The following TMPRSS15 variants were observed in gnomAD, a reference collection of about 807,000 sequenced individuals.
TMPRSS15 encodes enteropeptidase.
TMPRSS15 carries 128 observed loss-of-function variants against 125.3 expected under a neutral mutation model. That is an observed-to-expected ratio of 1.02 (90% CI 0.89 to 1.18). The LOEUF is 1.18. Among genes scored for constraint, TMPRSS15 ranks in the 50% most tolerant of loss-of-function variants. The probability of loss-of-function intolerance (pLI) is 0.00; values close to 1 mark genes in which losing one functional copy is unlikely to be tolerated. For synonymous variants in TMPRSS15, 446 were observed against 423.2 expected, an observed-to-expected ratio of 1.05 and a Z score of -0.66; for missense variants, 1,283 against 1,212.7, an observed-to-expected ratio of 1.06 and a Z score of -0.86.
chr21:18,273,779 C>T (rs575853020), intron 24 of TMPRSS15, among the ~76,000 whole-genome samples: 76 of 152,088 alleles, frequency 5.0e-4, no homozygotes, highest in African/African-American at 1.6e-3. Flanking sequence ...GTATAAGACC[C>T]GAAGATAAAT....
chr21:18,469,803 G>A (rs75251564), intron 1 of TMPRSS15, among the ~76,000 whole-genome samples: 8,790 of 152,008 alleles, frequency 0.058, 563 homozygotes, highest in African/African-American at 0.15. Flanking sequence ...TAACTGTCTC[G>A]TTATTGTAGC....
At chr21:18,315,678 T>C (rs1411924038) in intron 16 of TMPRSS15, among the ~76,000 whole-genome samples, 1 of 57,740 alleles carries the variant, frequency 1.7e-5, no homozygotes, top group African/African-American at 6.7e-5. Flanking sequence ...AAAATATATA[T>C]ATATAAAATA....
At chr21:18,464,529 G>T (rs1230016044) in intron 1 of TMPRSS15, among the ~76,000 whole-genome samples, 2 of 151,902 alleles carry the variant, frequency 1.3e-5, no homozygotes, top group African/African-American at 4.8e-5. Context: ...GATTAATAAA[G>T]AAGAGAGAGA....
intron 17 of TMPRSS15, among the ~76,000 whole-genome samples, chr21:18,313,516 T>G (rs2075124776): frequency 6.6e-6 from 1 of 151,444 alleles, no homozygotes; most frequent in Non-Finnish European, 1.5e-5. Flanking sequence ...TTGGAAAAAT[T>G]AACAAAAAAA....
At chr21:18,445,204 A>C (rs1601465216) in intron 1 of TMPRSS15, among the ~76,000 whole-genome samples, 1 of 84,006 alleles carries the variant, frequency 1.2e-5, no homozygotes. Flanking sequence ...GGTATATACC[A>C]CATTTTTTTT....
chr21:18,298,862 C>T (rs2074935102), intron 18 of TMPRSS15, among the ~76,000 whole-genome samples: 3 of 152,128 alleles, frequency 2.0e-5, no homozygotes, highest in Admixed American at 6.5e-5. Context: ...AGGGAACTTC[C>T]AAGTAACATT....
chr21:18,376,088 A>C (rs2075838732), intron 5 of TMPRSS15, among the ~76,000 whole-genome samples: 1 of 152,312 alleles, frequency 6.6e-6, no homozygotes, highest in East Asian at 1.9e-4. Context: ...GGAAAAGCAG[A>C]ATCTTCATCC....
chr21:18,303,707 C>T (rs766833727), intron 18 of TMPRSS15, among the ~76,000 whole-genome samples: 20 of 152,018 alleles, frequency 1.3e-4, no homozygotes, highest in Non-Finnish European at 2.8e-4. Flanking sequence ...AAATAAATAC[C>T]TATACATTAC....
intron 1 of TMPRSS15, 49 bp downstream of exon 1, chr21:18,403,429 T>A (rs1052181231): frequency 1.2e-6 from 2 of 1,612,808 alleles, no homozygotes; most frequent in African/African-American, 2.7e-5. Context: ...CACTAAAGTG[T>A]GTACATTCAG....
rs368035307 is a variant in TMPRSS15 at position 18,470,240 on chromosome 21, C to T, written c.10+15559G>A. Among the ~76,000 whole-genome samples, 15 of 152,120 alleles carry T rather than the reference C, an allele frequency of 9.9e-5. No individual in the cohort carries two copies. The East Asian group carries it at 2.7e-3, about 27-fold the overall frequency. ...CCAACTTTTCTTTGGGCCTTCACAT[C>T]TTCCTTAGTTAACTTTTTTCTTGCA... On this transcript the variant is annotated intron_variant, in intron 1 of 7. Coordinates refer to the TMPRSS15 transcript ENST00000422787.
At chr21:18,440,666 T>C (rs1380589020) in intron 1 of TMPRSS15, among the ~76,000 whole-genome samples, 2 of 152,070 alleles carry the variant, frequency 1.3e-5, no homozygotes, top group African/African-American at 4.8e-5. Context: ...AATCAGAAAA[T>C]ATTCATTGAT....
chr21:18,417,196 T>G (rs930304618), intron 1 of TMPRSS15, among the ~76,000 whole-genome samples: 3 of 152,090 alleles, frequency 2.0e-5, no homozygotes, highest in Non-Finnish European at 4.4e-5. Flanking sequence ...CACTTCTATT[T>G]TAAATTGTCT....
intron 16 of TMPRSS15, among the ~76,000 whole-genome samples, 173 bp from the exon 17 acceptor site, chr21:18,315,429 A>T (rs2075153554): frequency 2.1e-5 from 1 of 47,270 alleles, no homozygotes; most frequent in African/African-American, 4.6e-5. Context: ...CCAACATGGC[A>T]CATGTATACA....
chr21:18,288,327 G>A (rs1209741215), intron 21 of TMPRSS15, among the ~76,000 whole-genome samples: 1 of 152,098 alleles, frequency 6.6e-6, no homozygotes, highest in Non-Finnish European at 1.5e-5. Context: ...GAGAGAGTTA[G>A]AAGGATGGCG....
rs146029374 is a variant in TMPRSS15, at chr21:18,315,181, A to C, written c.1997T>G (p.Leu666Arg). Reference protein sequence around the residue: ...VPLVNLCDGHLHCEDGSDEAD... With the variant: ...VPLVNLCDGHRHCEDGSDEAD... Reference sequence around the variant, plus strand: ...TTCATCTGAGCCATCCTCACAGTGCAGATGACCGTCACAGAGATTCACCAG... The same window carrying C: ...TTCATCTGAGCCATCCTCACAGTGCCGATGACCGTCACAGAGATTCACCAG... Residue 666 changes from leucine (L) to arginine (R), a missense_variant, in exon 17 of 25, where the codon CTG (leucine) becomes CGG (arginine). By Grantham distance (102) the Leu-to-Arg change is moderately radical. Transcript: ENST00000284885. The C allele has an allele frequency of 1.2e-6, 2 of 1,613,898 alleles. No individual in the cohort carries two copies. Among genetic ancestry groups the C allele is most frequent in the Admixed American group, 1.7e-5 (1 of 60,032 alleles).
chr21:18,383,731 A>C lies in TMPRSS15; in HGVS notation c.392T>G (p.Val131Gly), dbSNP rs1301027589. 6.2e-7 allele frequency: 1 copy of C among 1,613,822 alleles called. No individual in the cohort carries two copies. The highest frequency in any genetic ancestry group is 8.5e-7 in the Non-Finnish European group (1 of 1,179,880). The stretch of plus-strand genomic sequence containing the variant: ...TTCTTCTTTTACATTTTCATCTGAC[A>C]CCCACTGGGCAAAGAAAAGGTCAAA... Reference protein sequence around the residue: ...VVFDLFFAQWVSDENVKEELI... With the variant: ...VVFDLFFAQWGSDENVKEELI... Residue 131 changes from valine to glycine, a missense_variant, in exon 4 of 25, where the codon GTG becomes GGG. Physicochemically the swap from Val to Gly is moderately radical, Grantham distance 109. Transcript: ENST00000284885.
At chr21:18,295,216 A>C (rs1246485395) in intron 19 of TMPRSS15, among the ~76,000 whole-genome samples, 3 of 152,210 alleles carry the variant, frequency 2.0e-5, no homozygotes, top group Non-Finnish European at 4.4e-5. Context: ...GCACATATAA[A>C]AGAAAGCACA....
chr21:18,343,759 T>C, intron 11 of TMPRSS15, 103 bp from the exon 12 acceptor site: 1 of 1,411,066 alleles, frequency 7.1e-7, no homozygotes, highest in Non-Finnish European at 1.0e-6. Context: ...TAATCTTTTT[T>C]TCCTTCTGGG....
At chr21:18,329,797 T>C (rs1363424985) in intron 14 of TMPRSS15, among the ~76,000 whole-genome samples, 2 of 151,870 alleles carry the variant, frequency 1.3e-5, no homozygotes, top group Non-Finnish European at 2.9e-5. Flanking sequence ...CCAGCATCAA[T>C]AAACACTTCT....
Sources: gnomAD v4.1 joint callset for allele counts (sites outside exome capture counted in the v4.1 genomes callset) on GRCh38, gnomAD v4.1.1 for gene constraint, MANE v1.5 for transcripts, NCBI Gene and HGNC (gene_info 2026-07-23, HGNC 2026-07-21) for gene names.